SAAL1: variants seen among roughly 807,000 people sequenced by gnomAD.
SAAL1 encodes the protein protein SAAL1.
SAAL1 carries 42 observed loss-of-function variants against 59.8 expected under a neutral mutation model. The observed-to-expected ratio is 0.70, with a 90% confidence interval of 0.55 to 0.91. The LOEUF is 0.91. Ranked by LOEUF, SAAL1 falls within the 40% of genes least tolerant of loss-of-function variation. The probability of loss-of-function intolerance (pLI) is 0.00; values close to 1 mark genes in which losing one functional copy is unlikely to be tolerated. For synonymous variants in SAAL1, 191 were observed against 194.3 expected, an observed-to-expected ratio of 0.98 and a Z score of 0.14; for missense variants, 542 against 561.1, an observed-to-expected ratio of 0.97 and a Z score of 0.34.
In SAAL1 at chr11:18,083,617, A is replaced by G. The variant is rs1490295542; in HGVS notation, c.1157T>C (p.Leu386Ser). The change falls in exon 10 of 12, where the codon TTA becomes TCA. Residue 386 changes from leucine (L) to serine (S), a missense_variant. Transcript: ENST00000524803. Reference sequence around the variant, plus strand: ...TTTCAAGTGGAAATCATCTTGGGTTAAATCAGTCCTTTTAGTTTCCTCTGT... The same window carrying G: ...TTTCAAGTGGAAATCATCTTGGGTTGAATCAGTCCTTTTAGTTTCCTCTGT... ...SNTEETKRTD[L>S]TQDDFHLKIL... is the part of the protein sequence containing the mutation. 1 of 1,606,422 alleles carries G rather than the reference A, an allele frequency of 6.2e-7. No individual in the cohort carries two copies. Among genetic ancestry groups the G allele is most frequent in the East Asian group, 2.2e-5 (1 of 44,806 alleles).
chr11:18,094,877 G>A (rs1180761629), intron 3 of SAAL1, among the ~76,000 whole-genome samples: 1 of 152,138 alleles, frequency 6.6e-6, no homozygotes, highest in African/African-American at 2.4e-5. Flanking sequence ...TCCAATCAAA[G>A]ATCAAGTTTT....
intron 6 of SAAL1, 41 bp downstream of exon 6, chr11:18,090,134 C>T (rs746958069): frequency 2.0e-6 from 3 of 1,484,424 alleles, no homozygotes; most frequent in African/African-American, 3.6e-5. Flanking sequence ...AAATTAGATA[C>T]AATTTAAAAC....
At chr11:18,085,993 T>C (rs947090760) in intron 9 of SAAL1, among the ~76,000 whole-genome samples, 46 of 152,250 alleles carry the variant, frequency 3.0e-4, no homozygotes, top group Admixed American at 3.0e-3. Flanking sequence ...TATGTGTTTA[T>C]ATAGGAAAAT....
At chr11:18,099,515 T>C (rs1294207858) in intron 2 of SAAL1, among the ~76,000 whole-genome samples, 2 of 152,146 alleles carry the variant, frequency 1.3e-5, no homozygotes, top group Admixed American at 1.3e-4. Flanking sequence ...AAATAAGATA[T>C]GTGCTAGAAA....
At chr11:18,105,359 G>C (rs72863143) in intron 1 of SAAL1, among the ~76,000 whole-genome samples, 15,309 of 123,852 alleles carry the variant, frequency 0.12, 907 homozygotes, top group African/African-American at 0.19. Context: ...TTTTAAGTTT[G>C]TAGAAACCAG....
At chr11:18,103,200 A>G in intron 2 of SAAL1, 33 bp downstream of exon 2, 1 of 1,395,554 alleles carries the variant, frequency 7.2e-7, no homozygotes, top group East Asian at 2.3e-5. Flanking sequence ...TCCTCACCCA[A>G]CAGTCTTCAG....
intron 9 of SAAL1, among the ~76,000 whole-genome samples, chr11:18,085,437 AT>A (rs56961360): frequency 0.44 from 66,788 of 151,872 alleles, 15,843 homozygotes; most frequent in African/African-American, 0.61. Flanking sequence ...AAAAGATACA[AT>A]TATCTAGGAA....
In SAAL1 at chr11:18,106,074, C is replaced by A. The variant is rs1382870996; in HGVS notation, c.-33G>T. ...TCGCGTCCCGCGCTTGAAGGCCGTG[C>A]CGGAAGCTGCGGAGGAGACGACCGG... On this transcript the variant is annotated 5_prime_UTR_variant, in exon 1 of 12. Coordinates refer to ENST00000524803, the MANE Select transcript of SAAL1 (RefSeq NM_138421.3). 6 of 1,577,202 alleles carry A rather than the reference C, an allele frequency of 3.8e-6. No individual in the cohort carries two copies. Among genetic ancestry groups the A allele is most frequent in the Non-Finnish European group, 5.1e-6 (6 of 1,169,114 alleles).
chr11:18,104,525 T>C (rs1403445415), intron 1 of SAAL1, among the ~76,000 whole-genome samples: 1 of 151,916 alleles, frequency 6.6e-6, no homozygotes, highest in African/African-American at 2.4e-5. Context: ...GTGATTCAAC[T>C]GAATTGTGGA....
chr11:18,081,551 C>CT, intron 10 of SAAL1, 48 bp from the exon 11 acceptor site: 1 of 1,396,914 alleles, frequency 7.2e-7, no homozygotes, highest in South Asian at 1.2e-5. Flanking sequence ...ATTTTTCAAG[C>CT]TTTAACTAGT....
rs539083796 is a variant in SAAL1 at position 18,106,015 on chromosome 11, C to T, written c.27G>A (p.Pro9=). 29 of 1,608,242 alleles carry T rather than the reference C, an allele frequency of 1.8e-5. No homozygotes were observed. The African/African-American group carries it at 2.5e-4, about 14-fold the overall frequency. MDRNPSPP[P]PGRDKEEEEE... ...CCTCCTCCTCCTTGTCGCGACCCGGCGGCGGCGGCGAGGGGTTGCGGTCCA... is the reference window on the plus strand; with the variant it reads ...CCTCCTCCTCCTTGTCGCGACCCGGTGGCGGCGGCGAGGGGTTGCGGTCCA... The change falls in exon 1 of 12, where the codon CCG becomes CCA. Residue 9 remains proline, a synonymous_variant. Coordinates refer to ENST00000524803, the MANE Select transcript of SAAL1 (RefSeq NM_138421.3).
At chr11:18,089,246 G>T in intron 7 of SAAL1, 84 bp downstream of exon 7, 1 of 1,199,604 alleles carries the variant, frequency 8.3e-7, no homozygotes. Flanking sequence ...TCTGTTGTAA[G>T]GAATATAAGA....
Position 18,106,003 on chromosome 11 carries a change from G to A in SAAL1, c.39C>T (p.Asp13=), listed in dbSNP as rs1176481520. ...CGGCCACCTCCTCCTCCTCCTCCTTGTCGCGACCCGGCGGCGGCGGCGAGG... is the reference window on the plus strand; with the variant it reads ...CGGCCACCTCCTCCTCCTCCTCCTTATCGCGACCCGGCGGCGGCGGCGAGG... ...RNPSPPPPGR[D]KEEEEEVAGG... The change falls in exon 1 of 12, where the codon GAC becomes GAT. Residue 13 remains aspartate, a synonymous_variant. Transcript: ENST00000524803. 1 of 1,605,986 alleles carries A rather than the reference G, an allele frequency of 6.2e-7. No homozygotes were observed.
At chr11:18,094,227 C>T (rs1848550556) in intron 3 of SAAL1, among the ~76,000 whole-genome samples, 1 of 152,152 alleles carries the variant, frequency 6.6e-6, no homozygotes, top group Non-Finnish European at 1.5e-5. Flanking sequence ...GAGAGTACAG[C>T]TGACCCTTGA....
chr11:18,090,332 A>T, intron 5 of SAAL1, 42 bp from the exon 6 acceptor site: 1 of 1,571,370 alleles, frequency 6.4e-7, no homozygotes, highest in Non-Finnish European at 8.6e-7. Flanking sequence ...TTTCAAAAAA[A>T]AAAAAAAAAC....
At chr11:18,094,224 C>T (rs1848550522) in intron 3 of SAAL1, among the ~76,000 whole-genome samples, 1 of 152,134 alleles carries the variant, frequency 6.6e-6, no homozygotes, top group Non-Finnish European at 1.5e-5. Flanking sequence ...TTAGAGAGTA[C>T]AGCTGACCCT....
chr11:18,090,318 T>C (rs769351808), intron 5 of SAAL1, 28 bp from the exon 6 acceptor site: 22 of 1,537,216 alleles, frequency 1.4e-5, no homozygotes, highest in East Asian at 2.4e-5. Flanking sequence ...GTTGAATTTC[T>C]ACTTTTCAAA....
At chr11:18,099,843 G>A (rs1424393647) in intron 2 of SAAL1, among the ~76,000 whole-genome samples, 3 of 152,184 alleles carry the variant, frequency 2.0e-5, no homozygotes, top group Non-Finnish European at 2.9e-5. Flanking sequence ...GAGGTCTCTG[G>A]TCCTCGCACA....
intron 3 of SAAL1, among the ~76,000 whole-genome samples, chr11:18,096,306 C>G (rs1848575618): frequency 6.6e-6 from 1 of 151,734 alleles, no homozygotes; most frequent in South Asian, 2.1e-4. Flanking sequence ...TTATTACAGG[C>G]ATTTAGCTCA....
Sources: gnomAD v4.1 joint callset for allele counts (sites outside exome capture counted in the v4.1 genomes callset) on GRCh38, gnomAD v4.1.1 for gene constraint, MANE v1.5 for transcripts, NCBI Gene and HGNC (gene_info 2026-07-23, HGNC 2026-07-21) for gene names.